The following ANO3 variants were observed in gnomAD, a reference collection of about 807,000 sequenced individuals.
ANO3 encodes the protein anoctamin 3, also known as anoctamin-3.
ANO3 carries 99 observed loss-of-function variants against 144.8 expected under a neutral mutation model. That is an observed-to-expected ratio of 0.68 (90% CI 0.58 to 0.81). ANO3 has a LOEUF of 0.81. ANO3 is among the 30% of genes least tolerant of loss of function. The pLI, the probability that ANO3 is intolerant of heterozygous loss-of-function variation, is 0.00. For synonymous variants in ANO3, 414 were observed against 392.6 expected (o/e 1.05, Z -0.64); for missense variants, 905 against 1,202.2 (o/e 0.75, Z 3.66).
intron 1 of ANO3, among the ~76,000 whole-genome samples, chr11:26,370,355 C>T (rs1856214915): frequency 6.6e-6 from 1 of 152,074 alleles, no homozygotes; most frequent in Admixed American, 6.6e-5. Flanking sequence ...TTCCTGAGGC[C>T]TCCCCAGCCA....
intron 26 of ANO3, among the ~76,000 whole-genome samples, chr11:26,660,022 G>T (rs1033128276): frequency 2.6e-5 from 4 of 152,128 alleles, no homozygotes; most frequent in Non-Finnish European, 4.4e-5. Flanking sequence ...TGCTTATAAA[G>T]TGATATCAAC....
chr11:26,457,387 A>G (rs10834982), intron 3 of ANO3, among the ~76,000 whole-genome samples: 95,843 of 150,994 alleles, frequency 0.63, 32,878 homozygotes, highest in Admixed American at 0.79. Context: ...TTCCACTGGC[A>G]TACTCGAGGT....
chr11:26,546,234 G>A (rs1331446632), intron 11 of ANO3, among the ~76,000 whole-genome samples: 1 of 151,784 alleles, frequency 6.6e-6, no homozygotes, highest in African/African-American at 2.4e-5. Context: ...TACTATTATT[G>A]TATGAGAAAT....
chr11:26,625,532 G>A (rs946936144), intron 18 of ANO3, among the ~76,000 whole-genome samples: 34 of 151,938 alleles, frequency 2.2e-4, no homozygotes, highest in Admixed American at 2.0e-4. Context: ...CCTACGGCAT[G>A]GTATATTCTA....
chr11:26,328,971 G>A (rs1854962224), upstream of ANO3, among the ~76,000 whole-genome samples: 1 of 151,676 alleles, frequency 6.6e-6, no homozygotes, highest in Admixed American at 6.6e-5. Flanking sequence ...GGAAAACAGA[G>A]TCAAGACTGT....
chr11:26,286,824 T>C (rs1410721049), intron 1 of ANO3, among the ~76,000 whole-genome samples: 1 of 152,222 alleles, frequency 6.6e-6, no homozygotes, highest in Non-Finnish European at 1.5e-5. Flanking sequence ...GCTCTTGGAA[T>C]GTTAAAACAA....
At chr11:26,531,450 A>T in intron 8 of ANO3, 114 bp downstream of exon 8, 1 of 1,227,458 alleles carries the variant, frequency 8.1e-7, no homozygotes, top group Non-Finnish European at 1.1e-6. Context: ...CAGAGAACTT[A>T]TCATTGTATT....
chr11:26,397,806 A>T (rs1223485623), intron 1 of ANO3, among the ~76,000 whole-genome samples: 1 of 152,074 alleles, frequency 6.6e-6, no homozygotes, highest in Admixed American at 6.6e-5. Flanking sequence ...CTACCTAACT[A>T]GCTGTAATTT....
intron 4 of ANO3, among the ~76,000 whole-genome samples, chr11:26,476,678 A>G (rs1168045756): frequency 2.6e-5 from 4 of 152,072 alleles, no homozygotes; most frequent in African/African-American, 9.7e-5. Context: ...ACGACACTAC[A>G]GTAATACAAC....
chr11:26,435,481 T>C (rs1858262066), intron 1 of ANO3, among the ~76,000 whole-genome samples: 1 of 152,200 alleles, frequency 6.6e-6, no homozygotes, highest in African/African-American at 2.4e-5. Flanking sequence ...TGGGGAGATT[T>C]TCATGGACAA....
At chr11:26,256,812 C>A (rs1853068268) in intron 1 of ANO3, among the ~76,000 whole-genome samples, 1 of 151,966 alleles carries the variant, frequency 6.6e-6, no homozygotes, top group Non-Finnish European at 1.5e-5. Context: ...TTTTATTCCA[C>A]ATTATTTAAA....
intron 1 of ANO3, among the ~76,000 whole-genome samples, chr11:26,429,237 A>G (rs1437668045): frequency 6.6e-6 from 1 of 152,192 alleles, no homozygotes. Flanking sequence ...ACAATGGAGA[A>G]GATGAGAGTG....
chr11:26,409,052 C>A (rs1481417972), intron 1 of ANO3, among the ~76,000 whole-genome samples: 3 of 151,458 alleles, frequency 2.0e-5, no homozygotes, highest in African/African-American at 7.3e-5. Context: ...GTGCAGCACA[C>A]CAACATGGCA....
chr11:26,568,579 G>A (rs293974), intron 14 of ANO3, among the ~76,000 whole-genome samples: 36,546 of 151,524 alleles, frequency 0.24, 4,573 homozygotes, highest in South Asian at 0.4. Context: ...ATCTTCAAAG[G>A]ACCCATTAAA....
At chr11:26,541,642 T>A (rs200291806) in intron 10 of ANO3, among the ~76,000 whole-genome samples, 1 of 13,274 alleles carries the variant, frequency 7.5e-5, no homozygotes, top group Non-Finnish European at 2.0e-4. Context: ...GGTGAAGATA[T>A]TGTGTTTATT....
In ANO3 at chr11:26,466,932, T is replaced by G. The variant is rs536948810; in HGVS notation, c.432+3784T>G. Among the ~76,000 whole-genome samples, 20 of 152,126 alleles carry G rather than the reference T, an allele frequency of 1.3e-4. No homozygotes were observed. The South Asian group carries it at 3.9e-3, about 30-fold the overall frequency. Reference sequence around the variant, plus strand: ...TGACACAGCATATTCACAGCATGCATTTAATTCTATGGAGCCCAAGTATAT... The same window carrying G: ...TGACACAGCATATTCACAGCATGCAGTTAATTCTATGGAGCCCAAGTATAT... On this transcript the variant is annotated intron_variant, in intron 4 of 26. Transcript: ENST00000256737.
At chr11:26,507,980 TG>T in intron 4 of ANO3, 123 bp from the exon 5 acceptor site, 1 of 787,964 alleles carries the variant, frequency 1.3e-6, no homozygotes, top group Non-Finnish European at 1.9e-6. Flanking sequence ...CCATATCTCA[TG>T]GTAGGAATAT....
At chr11:26,632,590 A>G (rs898734682) in intron 18 of ANO3, among the ~76,000 whole-genome samples, 1 of 147,884 alleles carries the variant, frequency 6.8e-6, no homozygotes, top group Non-Finnish European at 1.5e-5. Flanking sequence ...TTTTATATAT[A>G]TATAATATAT....
chr11:26,527,665 A>G (rs1849198792), intron 7 of ANO3, among the ~76,000 whole-genome samples: 1 of 152,166 alleles, frequency 6.6e-6, no homozygotes, highest in South Asian at 2.1e-4. Flanking sequence ...GGTACATATT[A>G]GGGGATAAAT....
Sources: gnomAD v4.1 joint callset for allele counts (sites outside exome capture counted in the v4.1 genomes callset) on GRCh38, gnomAD v4.1.1 for gene constraint, MANE v1.5 for transcripts, NCBI Gene and HGNC (gene_info 2026-07-23, HGNC 2026-07-21) for gene names.